IL1RL1: variants seen among roughly 807,000 people sequenced by gnomAD.
The protein encoded by IL1RL1 is interleukin 1 receptor like 1.
Under a neutral mutation model 50.9 loss-of-function variants are expected in IL1RL1, and 32 were observed. That is an observed-to-expected ratio of 0.63 (90% CI 0.47 to 0.84). The LOEUF (loss-of-function observed/expected upper bound fraction) is 0.84, where lower values mean the gene tolerates loss of function less well. Ranked by LOEUF, IL1RL1 falls within the 40% of genes least tolerant of loss-of-function variation. The pLI, the probability that IL1RL1 is intolerant of heterozygous loss-of-function variation, is 0.00. For missense variants in IL1RL1, 773 were observed against 662.9 expected, an observed-to-expected ratio of 1.17 and a Z score of -1.82; for synonymous variants, 275 against 236.0, an observed-to-expected ratio of 1.17 and a Z score of -1.51.
intron 1 of IL1RL1, among the ~76,000 whole-genome samples, chr2:102,318,147 A>G (rs1676731314): frequency 1.3e-5 from 2 of 152,044 alleles, no homozygotes; most frequent in African/African-American, 4.8e-5. Flanking sequence ...TGAAAGGATC[A>G]CTCTAGCTTC....
At chr2:102,350,804 T>C (rs1677906538) in intron 10 of IL1RL1, among the ~76,000 whole-genome samples, 1 of 149,328 alleles carries the variant, frequency 6.7e-6, no homozygotes, top group South Asian at 2.1e-4. Flanking sequence ...TCAGCTGGCC[T>C]GCCTCATGCA....
At chr2:102,324,030 T>G (rs1339384197) in intron 1 of IL1RL1, among the ~76,000 whole-genome samples, 2 of 151,522 alleles carry the variant, frequency 1.3e-5, no homozygotes, top group Non-Finnish European at 2.9e-5. Flanking sequence ...TTTTTTTTGC[T>G]GAGTAGTGTT....
At chr2:102,331,427 G>T (rs539683182) in intron 1 of IL1RL1, among the ~76,000 whole-genome samples, 1 of 152,322 alleles carries the variant, frequency 6.6e-6, no homozygotes, top group South Asian at 2.1e-4. Flanking sequence ...GTCTTGAAGG[G>T]ATCTTAATGA....
intron 1 of IL1RL1, among the ~76,000 whole-genome samples, chr2:102,318,206 C>G (rs1287839790): frequency 6.6e-6 from 1 of 152,134 alleles, no homozygotes; most frequent in Non-Finnish European, 1.5e-5. Flanking sequence ...AGTGCAAAGA[C>G]TAGTGCAATA....
intron 1 of IL1RL1, among the ~76,000 whole-genome samples, chr2:102,333,192 T>C (rs190905114): frequency 1.1e-3 from 175 of 152,270 alleles, no homozygotes; most frequent in Middle Eastern, 3.4e-3. Flanking sequence ...TTTAGGAATA[T>C]ACTTAAGAGG....
intron 1 of IL1RL1, among the ~76,000 whole-genome samples, chr2:102,334,987 G>A (rs1677274092): frequency 6.6e-6 from 1 of 152,036 alleles, no homozygotes; most frequent in Non-Finnish European, 1.5e-5. Context: ...ACAAAATTAA[G>A]AAAAAGCTGG....
In IL1RL1 at chr2:102,343,352, T is replaced by A. The variant is rs748839614; in HGVS notation, c.907T>A (p.Cys303Ser). ...AGAGGATTTATTGCTGCAGTACGAC[T>A]GTCTGGCCCTGAATTTGCATGGCTT... ...KEEDLLLQYDCLALNLHGLRR... is the reference protein window; with the variant it reads ...KEEDLLLQYDSLALNLHGLRR... Residue 303 changes from cysteine (C) to serine (S), a missense_variant, in exon 8 of 11, where the codon TGT becomes AGT. Transcript: ENST00000233954. 6.2e-7 allele frequency: 1 copy of A among 1,614,192 alleles called. No homozygotes were observed. The highest frequency in any genetic ancestry group is 1.1e-5 in the South Asian group (1 of 91,082).
At chr2:102,328,376 A>G (rs1235124769) in intron 1 of IL1RL1, among the ~76,000 whole-genome samples, 1 of 152,200 alleles carries the variant, frequency 6.6e-6, no homozygotes, top group Non-Finnish European at 1.5e-5. Flanking sequence ...AGAGCTATCT[A>G]TGACAAACCC....
In IL1RL1 at chr2:102,343,186, A is replaced by G. The variant is rs62152661; in HGVS notation, c.824+9A>G. The stretch of plus-strand genomic sequence containing the variant: ...GAAGGGCAAAATCAAAGGTATTTTT[A>G]TATTGAAGAGAACCATCCTCTTCCC... On this transcript the variant is annotated intron_variant, in intron 7 of 10. Coordinates refer to ENST00000233954, the MANE Select transcript of IL1RL1 (RefSeq NM_016232.5). The G allele has an allele frequency of 0.087, 140,958 of 1,613,936 alleles. 6,995 individuals are homozygous for G. Among genetic ancestry groups the G allele is most frequent in the Non-Finnish European group, 0.099 (116,733 of 1,179,846 alleles).
intron 1 of IL1RL1, among the ~76,000 whole-genome samples, chr2:102,325,296 C>A (rs1225399734): frequency 6.6e-6 from 1 of 152,184 alleles, no homozygotes; most frequent in Non-Finnish European, 1.5e-5. Context: ...AGGGTCCTGA[C>A]AGTTAGAAGG....
At chr2:102,331,242 G>A (rs1241458997) in intron 1 of IL1RL1, among the ~76,000 whole-genome samples, 2 of 152,168 alleles carry the variant, frequency 1.3e-5, no homozygotes, top group Admixed American at 1.3e-4. Flanking sequence ...TTGCCATGCA[G>A]ACTTTAGATT....
intron 1 of IL1RL1, among the ~76,000 whole-genome samples, chr2:102,328,802 A>G (rs1205001633): frequency 6.6e-6 from 1 of 152,226 alleles, no homozygotes; most frequent in African/African-American, 2.4e-5. Flanking sequence ...GACCTCTTCA[A>G]GGAGAACTGC....
At chr2:102,349,363 C>G (rs1677871423) in intron 10 of IL1RL1, 117 bp downstream of exon 10, 1 of 750,744 alleles carries the variant, frequency 1.3e-6, no homozygotes, top group East Asian at 2.5e-5. Context: ...GGCCTTAAGA[C>G]CAGAACTTTA....
intron 2 of IL1RL1, 69 bp downstream of exon 2, chr2:102,338,394 T>C (rs1169250173): frequency 1.1e-6 from 1 of 893,200 alleles, no homozygotes; most frequent in African/African-American, 1.7e-5. Flanking sequence ...ATTTACCTTG[T>C]TTTAAGCAGT....
chr2:102,313,110 C>A (rs934051368), intron 1 of IL1RL1: 3 of 152,162 alleles, frequency 2.0e-5, no homozygotes, highest in African/African-American at 4.8e-5. Context: ...CTTACACTTA[C>A]TTGTTGCATG....
At position 102,335,754 on chromosome 2, in the gene IL1RL1, G is replaced by T. The variant is rs79239474; in HGVS notation, c.-149-2362G>T. On this transcript the variant is annotated intron_variant, in intron 1 of 10. Transcript: ENST00000233954. ...ATACATGTTTTAAAAAGATGTTTTG[G>T]GATACCAAATGTAAAAGAATTCCGA... Among the ~76,000 whole-genome samples the T allele has an allele frequency of 3.9e-4, 59 of 152,130 alleles. 1 individual carries two copies. In the East Asian group the frequency reaches 0.01, roughly 27 times the overall value.
chr2:102,326,866 G>T (rs1042903938), intron 1 of IL1RL1, among the ~76,000 whole-genome samples: 1 of 152,112 alleles, frequency 6.6e-6, no homozygotes, highest in African/African-American at 2.4e-5. Flanking sequence ...AGTCCTTAGA[G>T]ATCTACAAAG....
Position 102,321,562 on chromosome 2 carries a change from A to T in IL1RL1, c.-150+9939A>T, listed in dbSNP as rs374578198. ...CCTTACCACTGATGAGTCAATAGCC[A>T]CTGCCCCCGACCCTCCTGATATTTT... On this transcript the variant is annotated intron_variant, in intron 1 of 10. Coordinates refer to ENST00000233954, the MANE Select transcript of IL1RL1 (RefSeq NM_016232.5). 5.3e-5 allele frequency among the ~76,000 whole-genome samples: 8 copies of T among 152,278 alleles called. No homozygotes were observed. In the East Asian group the frequency reaches 1.5e-3, roughly 29 times the overall value.
Position 102,322,902 on chromosome 2 carries a change from C to T in IL1RL1, c.-150+11279C>T, listed in dbSNP as rs1379798793. Among the ~76,000 whole-genome samples the T allele has an allele frequency of 3.9e-5, 6 of 152,104 alleles. No individual in the cohort carries two copies. The East Asian group carries it at 1.2e-3, about 29-fold the overall frequency. On this transcript the variant is annotated intron_variant, in intron 1 of 10. Coordinates refer to ENST00000233954, the MANE Select transcript of IL1RL1 (RefSeq NM_016232.5). ...ATAGGTATGATATGTAATATGTAGT[C>T]TTCTGTGTTTAGTTTCTTTTGCTTA...
Sources: allele counts gnomAD v4.1 joint callset (sites outside exome capture counted in the v4.1 genomes callset), GRCh38; gene constraint gnomAD v4.1.1; transcripts MANE v1.5; gene names NCBI Gene and HGNC (gene_info 2026-07-23, HGNC 2026-07-21).